Variants in VCL observed in about 807,000 individuals in gnomAD.
VCL encodes vinculin.
In VCL, 47 loss-of-function variants were observed where a neutral mutation model predicts 125.7. The observed-to-expected ratio is 0.37, with a 90% confidence interval of 0.30 to 0.48. VCL has a LOEUF of 0.48. VCL is among the 20% of genes least tolerant of loss of function. The pLI is 0.99. For synonymous variants in VCL, 458 were observed against 514.6 expected, an observed-to-expected ratio of 0.89 and a Z score of 1.49; for missense variants, 1,069 against 1,455.5, an observed-to-expected ratio of 0.73 and a Z score of 4.32.
intron 1 of VCL, among the ~76,000 whole-genome samples, chr10:74,032,658 C>T (rs548070048): frequency 1.3e-5 from 2 of 151,010 alleles, no homozygotes; most frequent in South Asian, 2.1e-4. Context: ...CCAGATTGCA[C>T]CACTGTACTC....
chr10:74,106,817 TAGAG>T (rs942274964), intron 16 of VCL, among the ~76,000 whole-genome samples: 3 of 151,130 alleles, frequency 2.0e-5, no homozygotes, highest in African/African-American at 7.3e-5. Flanking sequence ...AGCAAAGGAG[TAGAG>T]AGAAAGGTGA....
intron 13 of VCL, among the ~76,000 whole-genome samples, chr10:74,100,094 G>T (rs1472256947): frequency 6.6e-6 from 1 of 152,222 alleles, no homozygotes; most frequent in East Asian, 1.9e-4. Context: ...GGAAGCATCA[G>T]TTCTAATAAT....
chr10:74,012,598 T>C (rs868377151), intron 1 of VCL, among the ~76,000 whole-genome samples: 29 of 152,018 alleles, frequency 1.9e-4, no homozygotes, highest in African/African-American at 6.0e-4. Flanking sequence ...GGTAGGGACG[T>C]GGGGGAAGAG....
chr10:74,057,156 G>T (rs1312036397), intron 2 of VCL, among the ~76,000 whole-genome samples: 4 of 151,870 alleles, frequency 2.6e-5, no homozygotes, highest in Admixed American at 6.6e-5. Flanking sequence ...CGTAGTCTAG[G>T]CTGTTCTCAA....
intron 1 of VCL, among the ~76,000 whole-genome samples, chr10:74,023,941 C>T (rs1840721407): frequency 6.6e-6 from 1 of 152,006 alleles, no homozygotes; most frequent in South Asian, 2.1e-4. Context: ...AGTCCATGCC[C>T]AGCTCATATG....
intron 2 of VCL, among the ~76,000 whole-genome samples, chr10:74,047,288 C>A (rs902564556): frequency 4.6e-5 from 7 of 152,246 alleles, no homozygotes; most frequent in East Asian, 1.9e-4. Context: ...CAGAGTGAGA[C>A]CCTGTGTAAA....
chr10:74,114,144 G>A (rs1489800240), intron 19 of VCL, 40 bp from the exon 20 acceptor site: 1 of 1,609,528 alleles, frequency 6.2e-7, no homozygotes, highest in Non-Finnish European at 8.5e-7. Context: ...CATGGCCAGA[G>A]CGTGGGCAGA....
At chr10:74,048,565 G>T (rs998693233) in intron 2 of VCL, among the ~76,000 whole-genome samples, 4 of 152,120 alleles carry the variant, frequency 2.6e-5, no homozygotes, top group Admixed American at 2.0e-4. Flanking sequence ...ATCACTGTCA[G>T]TTGTCATTTT....
intron 13 of VCL, among the ~76,000 whole-genome samples, chr10:74,099,485 A>G (rs1261922238): frequency 6.6e-6 from 1 of 152,160 alleles, no homozygotes; most frequent in Non-Finnish European, 1.5e-5. Context: ...TATTGTACAT[A>G]GCACACTGTA....
intron 1 of VCL, among the ~76,000 whole-genome samples, chr10:74,010,026 G>A (rs1235407712): frequency 6.6e-6 from 1 of 152,062 alleles, no homozygotes; most frequent in Non-Finnish European, 1.5e-5. Context: ...CTGGGTTCAA[G>A]TGATCCTCCC....
chr10:74,018,811 T>C (rs1185679427), intron 1 of VCL, among the ~76,000 whole-genome samples: 1 of 152,168 alleles, frequency 6.6e-6, no homozygotes, highest in Non-Finnish European at 1.5e-5. Context: ...CCAGTTTCCC[T>C]CCTCATAGGA....
intron 16 of VCL, among the ~76,000 whole-genome samples, chr10:74,106,044 C>T (rs942748120): frequency 1.3e-5 from 2 of 151,478 alleles, no homozygotes. Context: ...CCCCAGCCTC[C>T]TGAGTAGCTG....
At chr10:74,083,617 G>A in intron 8 of VCL, 104 bp downstream of exon 8, 1 of 1,367,696 alleles carries the variant, frequency 7.3e-7, no homozygotes. Flanking sequence ...TCTTTGGCTA[G>A]TAGATAACAG....
intron 6 of VCL, chr10:74,077,786 C>T (rs575571187): frequency 5.6e-5 from 25 of 449,948 alleles, no homozygotes; most frequent in Non-Finnish European, 9.4e-5. Flanking sequence ...TGCGTCTTGC[C>T]GAATAAGTTA....
At chr10:74,072,945 CTTT>C in intron 5 of VCL, 93 bp downstream of exon 5, 471 of 1,275,450 alleles carry the variant, frequency 3.7e-4, no homozygotes, top group Middle Eastern at 5.1e-4. Context: ...GTTTTCTTTT[CTTT>C]TTTTTTTTTT....
At chr10:74,060,682 A>G (rs1841466841) in intron 2 of VCL, among the ~76,000 whole-genome samples, 2 of 151,722 alleles carry the variant, frequency 1.3e-5, no homozygotes, top group Admixed American at 6.6e-5. Flanking sequence ...AGAAAAAGAA[A>G]AAGAAGAAAA....
At chr10:74,013,828 T>C (rs1054480469) in intron 1 of VCL, among the ~76,000 whole-genome samples, 2 of 152,238 alleles carry the variant, frequency 1.3e-5, no homozygotes, top group Admixed American at 6.5e-5. Flanking sequence ...AGTGTTAGAT[T>C]TTATCATTAC....
intron 12 of VCL, among the ~76,000 whole-genome samples, chr10:74,096,154 T>C (rs905319220): frequency 6.6e-6 from 1 of 152,094 alleles, no homozygotes; most frequent in East Asian, 1.9e-4. Flanking sequence ...AATGGACTTT[T>C]TTTTTTTTTT....
chr10:74,030,698 A>G (rs1840859474), intron 1 of VCL, among the ~76,000 whole-genome samples: 2 of 152,170 alleles, frequency 1.3e-5, no homozygotes, highest in Admixed American at 1.3e-4. Context: ...TTTTTCCTTG[A>G]TGGAATGCAG....
Sources: gnomAD v4.1 joint callset for allele counts (sites outside exome capture counted in the v4.1 genomes callset) on GRCh38, gnomAD v4.1.1 for gene constraint, MANE v1.5 for transcripts, NCBI Gene and HGNC (gene_info 2026-07-23, HGNC 2026-07-21) for gene names.